The following UBE2H variants were observed in gnomAD, a reference collection of about 807,000 sequenced individuals.
UBE2H encodes ubiquitin-conjugating enzyme E2 H.
Under a neutral mutation model 29.0 loss-of-function variants are expected in UBE2H, and 3 were observed. That is an observed-to-expected ratio of 0.10 (90% CI 0.05 to 0.27). The LOEUF (loss-of-function observed/expected upper bound fraction) is 0.27. Ranked by LOEUF, UBE2H falls within the 10% of genes least tolerant of loss-of-function variation. The probability of loss-of-function intolerance (pLI) is 1.00; values close to 1 mark genes in which losing one functional copy is unlikely to be tolerated. For missense variants in UBE2H, 68 were observed against 228.2 expected (o/e 0.30, Z 4.52); for synonymous variants, 69 against 82.9 (o/e 0.83, Z 0.91).
At position 129,882,782 on chromosome 7, in the gene UBE2H, T is replaced by C. The variant is rs75539539; in HGVS notation, c.54-1811A>G. Among the ~76,000 whole-genome samples the C allele has an allele frequency of 4.7e-3, 717 of 152,326 alleles. 10 individuals carry two copies. The highest frequency in any genetic ancestry group is 0.016 in the African/African-American group (679 of 41,582). The stretch of plus-strand genomic sequence containing the variant: ...TAATGTAATAAGTAAAAGCATAACA[T>C]GCTTAAAATGTTTTAAAACTTTTTT... On this transcript the variant is annotated intron_variant, in intron 1 of 6. Transcript: ENST00000355621.
At chr7:129,842,997 ATTTTTTT>A (rs1214247554) in intron 5 of UBE2H, among the ~76,000 whole-genome samples, 1 of 139,562 alleles carries the variant, frequency 7.2e-6, no homozygotes, top group Non-Finnish European at 1.6e-5. Context: ...ATTAACAGTA[ATTTTTTT>A]TTTTTTTTTT....
At chr7:129,907,364 G>C (rs1391308032) in intron 1 of UBE2H, among the ~76,000 whole-genome samples, 1 of 152,130 alleles carries the variant, frequency 6.6e-6, no homozygotes. Context: ...CAGACTTTAA[G>C]GAAAGGCCAA....
chr7:129,892,780 C>T (rs566325848), intron 1 of UBE2H, among the ~76,000 whole-genome samples: 1 of 152,018 alleles, frequency 6.6e-6, no homozygotes, highest in African/African-American at 2.4e-5. Flanking sequence ...GGCTACTATC[C>T]TTTAAAATGT....
intron 1 of UBE2H, among the ~76,000 whole-genome samples, chr7:129,915,707 G>C (rs17559596): frequency 1.3e-5 from 2 of 152,096 alleles, no homozygotes; most frequent in Non-Finnish European, 2.9e-5. Context: ...TTGTAAAACA[G>C]CCTGCCCGTA....
intron 6 of UBE2H, 22 bp from the exon 7 acceptor site, chr7:129,835,083 C>T (rs758077211): frequency 1.9e-6 from 3 of 1,612,756 alleles, no homozygotes; most frequent in South Asian, 1.1e-5. Context: ...GGGAGAAAGA[C>T]AACAAGGGCA....
intron 1 of UBE2H, among the ~76,000 whole-genome samples, chr7:129,883,658 AT>A (rs1335893684): frequency 1.3e-5 from 2 of 152,364 alleles, no homozygotes; most frequent in Non-Finnish European, 2.9e-5. Flanking sequence ...CCTGGCCAAC[AT>A]GGCGAAACCC....
chr7:129,910,132 CA>C (rs959086565), intron 1 of UBE2H, among the ~76,000 whole-genome samples: 1 of 151,990 alleles, frequency 6.6e-6, no homozygotes, highest in African/African-American at 2.4e-5. Context: ...AGTTCGAGAC[CA>C]GTCTGGCCAA....
At chr7:129,903,669 C>A (rs1806761167) in intron 1 of UBE2H, among the ~76,000 whole-genome samples, 2 of 152,150 alleles carry the variant, frequency 1.3e-5, no homozygotes, top group East Asian at 1.9e-4. Flanking sequence ...GAAGCCAAGG[C>A]AGGAGGACTG....
chr7:129,909,983 G>A (rs751767830), intron 1 of UBE2H, among the ~76,000 whole-genome samples: 11 of 152,030 alleles, frequency 7.2e-5, no homozygotes, highest in Non-Finnish European at 1.2e-4. Context: ...TAGAGGGGGG[G>A]TGATTCAAGG....
At chr7:129,877,225 T>G (rs567159853) in intron 3 of UBE2H, among the ~76,000 whole-genome samples, 2 of 152,300 alleles carry the variant, frequency 1.3e-5, no homozygotes, top group East Asian at 3.9e-4. Flanking sequence ...TGATCTAAAT[T>G]TGCACAGCTG....
At chr7:129,872,570 G>C (rs540885401) in intron 3 of UBE2H, among the ~76,000 whole-genome samples, 95 of 152,002 alleles carry the variant, frequency 6.2e-4, no homozygotes, top group African/African-American at 2.1e-3. Context: ...GGCTGGGCGC[G>C]GTGGCTCACG....
At chr7:129,923,499 G>A (rs1807206729) in intron 1 of UBE2H, among the ~76,000 whole-genome samples, 1 of 152,146 alleles carries the variant, frequency 6.6e-6, no homozygotes, top group Non-Finnish European at 1.5e-5. Flanking sequence ...AAGTTATATA[G>A]TAATTTAGAA....
chr7:129,866,899 G>A (rs1805915342), intron 3 of UBE2H, among the ~76,000 whole-genome samples: 1 of 152,156 alleles, frequency 6.6e-6, no homozygotes, highest in Non-Finnish European at 1.5e-5. Flanking sequence ...GATTAAATGA[G>A]TTAATATATG....
At chr7:129,839,540 T>C (rs1006147054) in intron 5 of UBE2H, 3 of 555,158 alleles carry the variant, frequency 5.4e-6, no homozygotes, top group Non-Finnish European at 8.7e-6. Flanking sequence ...AAGAACGAGA[T>C]AAAGATATAC....
intron 3 of UBE2H, among the ~76,000 whole-genome samples, chr7:129,863,897 T>C (rs2727493): frequency 0.09 from 13,617 of 150,618 alleles, 835 homozygotes; most frequent in Non-Finnish European, 0.14. Flanking sequence ...CTCCGCCTCC[T>C]GGGTTCAAGA....
chr7:129,919,081 C>T (rs1178191395), intron 1 of UBE2H, among the ~76,000 whole-genome samples: 2 of 108,950 alleles, frequency 1.8e-5, no homozygotes, highest in African/African-American at 3.1e-5. Context: ...AAGACCTTGT[C>T]TCAAAAACAA....
intron 1 of UBE2H, among the ~76,000 whole-genome samples, chr7:129,909,022 A>G (rs1324099155): frequency 6.6e-6 from 1 of 152,210 alleles, no homozygotes; most frequent in African/African-American, 2.4e-5. Context: ...GAAGTACACT[A>G]TTTAACTCTG....
At chr7:129,939,547 C>T (rs1807599358) in intron 1 of UBE2H, among the ~76,000 whole-genome samples, 1 of 152,158 alleles carries the variant, frequency 6.6e-6, no homozygotes, top group South Asian at 2.1e-4. Context: ...ACTGATATGA[C>T]TTTAACCAAT....
intron 3 of UBE2H, among the ~76,000 whole-genome samples, chr7:129,872,680 A>G (rs1293375100): frequency 6.6e-6 from 1 of 151,664 alleles, no homozygotes; most frequent in East Asian, 2.0e-4. Flanking sequence ...CGTCTCTACT[A>G]AAAAACACAA....
Sources: allele counts gnomAD v4.1 joint callset (sites outside exome capture counted in the v4.1 genomes callset), GRCh38; gene constraint gnomAD v4.1.1; transcripts MANE v1.5; gene names NCBI Gene and HGNC (gene_info 2026-07-23, HGNC 2026-07-21).